The following UNC45A variants were observed in gnomAD, a reference collection of about 807,000 sequenced individuals.
UNC45A encodes the protein unc-45 myosin chaperone A.
A neutral mutation model predicts 103.2 loss-of-function variants in UNC45A; 78 were observed. The ratio of observed to expected loss-of-function variants is 0.76; its 90% CI spans 0.63 to 0.91. The LOEUF (loss-of-function observed/expected upper bound fraction) is 0.91. UNC45A is among the 40% of genes least tolerant of loss of function. UNC45A has a pLI of 0.00. For synonymous variants in UNC45A, 495 were observed against 504.6 expected, an observed-to-expected ratio of 0.98 and a Z score of 0.25; for missense variants, 1,193 against 1,224.8, an observed-to-expected ratio of 0.97 and a Z score of 0.39.
chr15:90,937,634 C>T (rs1199209963), intron 4 of UNC45A, among the ~76,000 whole-genome samples: 1 of 151,684 alleles, frequency 6.6e-6, no homozygotes, highest in Non-Finnish European at 1.5e-5. Flanking sequence ...CTACAGGGGC[C>T]TGCCACCACG....
chr15:90,946,922 G>A lies in UNC45A; in HGVS notation c.1500+8G>A, dbSNP rs1366727764. Reference sequence around the variant, plus strand: ...CGCATCCGGGCGCTAGTGGTGAGACGGTGGGCCTGGGGTGGGTGGGCAGGC... The same window carrying A: ...CGCATCCGGGCGCTAGTGGTGAGACAGTGGGCCTGGGGTGGGTGGGCAGGC... On this transcript the variant is annotated splice_region_variant and intron_variant, in intron 10 of 19. Coordinates refer to ENST00000418476, the MANE Select transcript of UNC45A (RefSeq NM_018671.5). 10 of 1,589,480 alleles carry A rather than the reference G, an allele frequency of 6.3e-6. No individual in the cohort carries two copies. Among genetic ancestry groups the A allele is most frequent in the Middle Eastern group, 1.7e-4 (1 of 5,908 alleles).
At chr15:90,938,913 C>G (rs961369756) in intron 4 of UNC45A, among the ~76,000 whole-genome samples, 6 of 152,024 alleles carry the variant, frequency 3.9e-5, no homozygotes, top group African/African-American at 7.2e-5. Context: ...CTCAGGTGAT[C>G]TGCCCACCTC....
chr15:90,945,510 C>G (rs956477831), intron 9 of UNC45A, among the ~76,000 whole-genome samples: 2 of 152,068 alleles, frequency 1.3e-5, no homozygotes, highest in Non-Finnish European at 1.5e-5. Context: ...CACAGGCATG[C>G]ACCACCACAC....
At chr15:90,935,078 C>T, upstream of UNC45A, 1 of 580,362 alleles carries the variant, frequency 1.7e-6, no homozygotes, top group Non-Finnish European at 3.0e-6. Flanking sequence ...CCCTCTGGGT[C>T]CTCCGCCGCG....
intron 9 of UNC45A, among the ~76,000 whole-genome samples, chr15:90,946,265 AAAAAAAG>A (rs1255185151): frequency 6.6e-6 from 1 of 151,748 alleles, no homozygotes; most frequent in African/African-American, 2.4e-5. Context: ...AAAAAAAAAA[AAAAAAAG>A]AAAGAAAAAA....
chr15:90,932,107 A>C (rs1359770881), upstream of UNC45A: 12 of 1,592,698 alleles, frequency 7.5e-6, no homozygotes, highest in Middle Eastern at 3.3e-4. Flanking sequence ...GATCCGTGCC[A>C]CACCTGACGG....
chr15:90,935,072 C>A (rs905306843), upstream of UNC45A: 1 of 580,234 alleles, frequency 1.7e-6, no homozygotes, highest in African/African-American at 2.0e-5. Context: ...AGGCCTCCCT[C>A]TGGGTCCTCC....
upstream of UNC45A, chr15:90,934,838 G>A: frequency 2.4e-6 from 1 of 413,090 alleles, no homozygotes; most frequent in Non-Finnish European, 4.3e-6. Context: ...TTTGGGGAGG[G>A]AGTCCTGAGC....
intron 4 of UNC45A, among the ~76,000 whole-genome samples, chr15:90,938,200 G>T (rs2036116049): frequency 6.6e-6 from 1 of 152,026 alleles, no homozygotes; most frequent in African/African-American, 2.4e-5. Context: ...GGATTGAGAG[G>T]GCTTTCCAAA....
At chr15:90,950,131 C>T in intron 15 of UNC45A, 23 bp from the exon 16 acceptor site, 3 of 1,548,838 alleles carry the variant, frequency 1.9e-6, no homozygotes, top group Non-Finnish European at 2.6e-6. Flanking sequence ...ATGTCCTGAG[C>T]AGTGACGGGC....
intron 9 of UNC45A, among the ~76,000 whole-genome samples, chr15:90,946,268 AAAAG>A (rs2036564177): frequency 1.4e-5 from 2 of 147,846 alleles, no homozygotes; most frequent in Admixed American, 6.8e-5. Context: ...AAAAAAAAAA[AAAAG>A]AAAGAAAAAA....
rs1408956099 is a variant in UNC45A at position 90,939,136 on chromosome 15, C to T, written c.427-595C>T. 5.9e-5 allele frequency among the ~76,000 whole-genome samples: 9 copies of T among 151,778 alleles called. No individual in the cohort carries two copies. The South Asian group carries it at 1.0e-3, about 18-fold the overall frequency. On this transcript the variant is annotated intron_variant, in intron 4 of 19. Coordinates refer to ENST00000418476, the MANE Select transcript of UNC45A (RefSeq NM_018671.5). ...CTGGGATTACCGGCATCTGCCACCA[C>T]GCCCGGCTAATTTTTTGTATTTTTA...
intron 6 of UNC45A, among the ~76,000 whole-genome samples, chr15:90,941,487 C>T (rs12902285): frequency 0.056 from 8,562 of 152,218 alleles, 349 homozygotes; most frequent in South Asian, 0.16. Flanking sequence ...TAAGCTTGGG[C>T]TGCATTCTGG....
upstream of UNC45A, chr15:90,931,630 G>A (rs761258820): frequency 2.9e-5 from 46 of 1,613,930 alleles, no homozygotes; most frequent in Non-Finnish European, 3.8e-5. Context: ...GTTTTTCAGG[G>A]GAACTGACCA....
At chr15:90,934,783 G>A (rs1220737885), upstream of UNC45A, 2 of 401,930 alleles carry the variant, frequency 5.0e-6, no homozygotes. Flanking sequence ...TCTAGGATGA[G>A]CTCCTAAATT....
At chr15:90,931,783 G>A, upstream of UNC45A, 1 of 1,614,168 alleles carries the variant, frequency 6.2e-7, no homozygotes, top group Non-Finnish European at 8.5e-7. Flanking sequence ...CGGGGCTACT[G>A]TGGGGCGCTT....
In UNC45A at chr15:90,940,532, TTCCTCCATCCA is replaced by T; in HGVS notation, c.687+60_687+70del. The T allele has an allele frequency of 1.9e-6, 3 of 1,557,390 alleles. No homozygotes were observed. In the South Asian group the frequency reaches 3.6e-5, roughly 19 times the overall value. On this transcript the variant is annotated intron_variant, in intron 6 of 19. Coordinates refer to ENST00000418476, the MANE Select transcript of UNC45A (RefSeq NM_018671.5). ...GTCCCTTTGTCTGTCTGTCCATCCA[TTCCTCCATCCA>T]CCCATCTGTCCATCCGCCCATCTGC...
At chr15:90,947,346 A>G in intron 10 of UNC45A, 1 of 254,144 alleles carries the variant, frequency 3.9e-6, no homozygotes, top group Non-Finnish European at 7.8e-6. Flanking sequence ...GCCCTCCATG[A>G]GCCTGTTGTG....
intron 4 of UNC45A, among the ~76,000 whole-genome samples, chr15:90,936,927 C>T (rs908042149): frequency 6.6e-6 from 1 of 152,160 alleles, no homozygotes; most frequent in Non-Finnish European, 1.5e-5. Flanking sequence ...TGCCTGAATG[C>T]CCAGCCATAG....
Sources: gnomAD v4.1 joint callset for allele counts (sites outside exome capture counted in the v4.1 genomes callset) on GRCh38, gnomAD v4.1.1 for gene constraint, MANE v1.5 for transcripts, NCBI Gene and HGNC (gene_info 2026-07-23, HGNC 2026-07-21) for gene names.